GRIP2: variants seen among roughly 807,000 people sequenced by gnomAD.
GRIP2 encodes glutamate receptor interacting protein 2, also known as glutamate receptor-interacting protein 2.
Under a neutral mutation model 108.3 loss-of-function variants are expected in GRIP2, and 58 were observed. The ratio of observed to expected loss-of-function variants is 0.54; its 90% CI spans 0.43 to 0.67. GRIP2 has a LOEUF of 0.67. Among genes scored for constraint, GRIP2 ranks in the 30% least tolerant of loss-of-function variants. The pLI, the probability that GRIP2 is intolerant of heterozygous loss-of-function variation, is 0.00. For synonymous variants in GRIP2, 586 were observed against 598.2 expected, an observed-to-expected ratio of 0.98 and a Z score of 0.30; for missense variants, 1,278 against 1,430.6, an observed-to-expected ratio of 0.89 and a Z score of 1.72.
intron 5 of GRIP2, chr3:14,523,362 T>C: frequency 1.7e-6 from 1 of 575,006 alleles, no homozygotes; most frequent in Non-Finnish European, 3.1e-6. Flanking sequence ...CTCCAGACTT[T>C]GTTCTCAGTC....
intron 13 of GRIP2, among the ~76,000 whole-genome samples, chr3:14,513,409 A>G (rs1694155178): frequency 6.6e-6 from 1 of 152,144 alleles, no homozygotes; most frequent in African/African-American, 2.4e-5. Flanking sequence ...CCATGCTGAG[A>G]AGGAGCTTGG....
chr3:14,498,118 T>A (rs1257330303), intron 21 of GRIP2, among the ~76,000 whole-genome samples: 1 of 152,076 alleles, frequency 6.6e-6, no homozygotes, highest in Non-Finnish European at 1.5e-5. Flanking sequence ...CCATTTGGGG[T>A]GCGGGGGGTT....
chr3:14,552,014 G>A lies in GRIP2; in HGVS notation c.55+3886C>T, dbSNP rs528182906. 9.2e-5 allele frequency among the ~76,000 whole-genome samples: 14 copies of A among 152,264 alleles called. No individual in the cohort carries two copies. The South Asian group carries it at 1.0e-3, about 11-fold the overall frequency. On this transcript the variant is annotated intron_variant, in intron 1 of 23. Transcript: ENST00000637182. ...ATCTAGAGGTTCACTCCAGGCTGCCGGGATTCTGCAATTCTAGGACGAGAG... is the reference window on the plus strand; with the variant it reads ...ATCTAGAGGTTCACTCCAGGCTGCCAGGATTCTGCAATTCTAGGACGAGAG...
rs563315495 is a variant in GRIP2, at chr3:14,518,038, C to T, written c.1031-141G>A. 9.2e-4 allele frequency: 925 copies of T among 1,009,168 alleles called. 18 individuals are homozygous for T. In the South Asian group the frequency reaches 0.015, roughly 17 times the overall value. 62.5% of individuals were successfully genotyped at this position (1,009,168 alleles called of 1,614,324 possible). On this transcript the variant is annotated intron_variant, in intron 9 of 23. Coordinates refer to ENST00000621039, the MANE Select transcript of GRIP2 (RefSeq NM_001080423.4). ...CATTTAGTATTCTGCTCACATGTCC[C>T]GGACGCCTACAATGTGCCGGGCACT...
Position 14,507,333 on chromosome 3 carries a change from C to T in GRIP2, c.2218+228G>A, listed in dbSNP as rs899390930. ...ATACACACGTGAGCACCTTAAGAGG[C>T]AGGAAGTAATGAAGAACAGGGCTCA... On this transcript the variant is annotated intron_variant, in intron 18 of 23. Transcript: ENST00000621039. The surrounding 1 kb of genome is among the most constrained non-coding windows in gnomAD (Gnocchi z 4.6). Among the ~76,000 whole-genome samples, 14 of 152,220 alleles carry T rather than the reference C, an allele frequency of 9.2e-5. No homozygotes were observed. Among genetic ancestry groups the T allele is most frequent in the African/African-American group, 3.4e-4 (14 of 41,456 alleles).
chr3:14,514,352 G>A lies in GRIP2; in HGVS notation c.1433C>T (p.Thr478Ile), dbSNP rs1310698370. Residue 478 changes from threonine (T) to isoleucine (I), a missense_variant, in exon 12 of 24, where the codon ACC (threonine) becomes ATC (isoleucine). By Grantham distance (89) the Thr-to-Ile change is moderately conservative. Transcript: ENST00000621039. ...GLQLQGGIFA[T>I]ETLSSPPLVC... ...GAGGGGTGGGGAGGACAGGGTCTCG[G>A]TGGCGAAGATGCCGCCCTGGAGCTG... The A allele has an allele frequency of 6.3e-7, 1 of 1,578,216 alleles. No individual in the cohort carries two copies. The highest frequency in any genetic ancestry group is 2.3e-5 in the East Asian group (1 of 42,922).
intron 1 of GRIP2, among the ~76,000 whole-genome samples, chr3:14,548,530 C>G (rs531581569): frequency 6.6e-6 from 1 of 152,162 alleles, no homozygotes; most frequent in Non-Finnish European, 1.5e-5. Flanking sequence ...GCTGTCATCC[C>G]GTGCCTGTGA....
At chr3:14,572,375 A>G in the GRIP2 span, among the ~76,000 whole-genome samples, 1 of 151,760 alleles carries the variant, frequency 6.6e-6, no homozygotes, top group Non-Finnish European at 1.5e-5. Flanking sequence ...GCACTTTGGG[A>G]GGCCGAATGG....
the GRIP2 span, among the ~76,000 whole-genome samples, chr3:14,599,347 C>T: frequency 1.3e-5 from 2 of 152,262 alleles, no homozygotes; most frequent in African/African-American, 4.8e-5. Flanking sequence ...ATTAATCAGG[C>T]CACACCACAG....
At chr3:14,540,542 CA>C (rs1694947200), upstream of GRIP2, among the ~76,000 whole-genome samples, 1 of 152,106 alleles carries the variant, frequency 6.6e-6, no homozygotes, top group Non-Finnish European at 1.5e-5. The surrounding 1 kb of genome is among the most constrained non-coding windows in gnomAD (Gnocchi z 4.1). Context: ...TGGGTCTGGA[CA>C]GGGGGTCTTT....
At chr3:14,546,004 A>T (rs1695052205), upstream of GRIP2, among the ~76,000 whole-genome samples, 1 of 152,212 alleles carries the variant, frequency 6.6e-6, no homozygotes, top group African/African-American at 2.4e-5. Context: ...GGGCTGTGAC[A>T]GACACAGTCA....
the GRIP2 span, among the ~76,000 whole-genome samples, chr3:14,568,268 C>T: frequency 6.6e-6 from 1 of 152,070 alleles, no homozygotes; most frequent in East Asian, 1.9e-4. Flanking sequence ...GGTGGGAAGA[C>T]CAGTGAAGAG....
chr3:14,601,055 A>ATCTC, the GRIP2 span, among the ~76,000 whole-genome samples: 22 of 149,368 alleles, frequency 1.5e-4, no homozygotes, highest in South Asian at 2.1e-4. Flanking sequence ...CGCCTCACCC[A>ATCTC]TCTCTCTCTC....
At chr3:14,581,401 C>G in the GRIP2 span, among the ~76,000 whole-genome samples, 1 of 152,338 alleles carries the variant, frequency 6.6e-6, no homozygotes, top group Non-Finnish European at 1.5e-5. Flanking sequence ...GAGAGACTGA[C>G]TGCAGAGGGG....
At chr3:14,534,414 T>G (rs1165211670) in intron 1 of GRIP2, among the ~76,000 whole-genome samples, 1 of 152,194 alleles carries the variant, frequency 6.6e-6, no homozygotes, top group Non-Finnish European at 1.5e-5. Flanking sequence ...TCTCTCTTTT[T>G]TGTTCCAGGA....
chr3:14,531,665 C>A (rs781507445), intron 1 of GRIP2, among the ~76,000 whole-genome samples: 3 of 152,174 alleles, frequency 2.0e-5, no homozygotes, highest in Non-Finnish European at 4.4e-5. Context: ...GCGATCACAC[C>A]CATTTGACAG....
chr3:14,580,912 G>T, the GRIP2 span, among the ~76,000 whole-genome samples: 75 of 152,346 alleles, frequency 4.9e-4, no homozygotes, highest in African/African-American at 1.8e-3. Context: ...AGCAAAGATT[G>T]AGATTCTCTA....
At chr3:14,533,724 A>G (rs897469976) in intron 1 of GRIP2, among the ~76,000 whole-genome samples, 2 of 152,150 alleles carry the variant, frequency 1.3e-5, no homozygotes, top group Admixed American at 1.3e-4. Flanking sequence ...GCTCCAGTGC[A>G]CTACCGGGTG....
chr3:14,501,716 ACTT>A (rs1693771404), intron 21 of GRIP2, among the ~76,000 whole-genome samples: 1 of 152,190 alleles, frequency 6.6e-6, no homozygotes, highest in Non-Finnish European at 1.5e-5. Flanking sequence ...TTTTACTTTT[ACTT>A]ATTTTTTGAT....
Sources: gnomAD v4.1 joint callset for allele counts (sites outside exome capture counted in the v4.1 genomes callset) on GRCh38, gnomAD v4.1.1 for gene constraint, Gnocchi (gnomAD v3.1) non-coding constraint, MANE v1.5 for transcripts, NCBI Gene and HGNC (gene_info 2026-07-23, HGNC 2026-07-21) for gene names.